Variants in KITLG observed in about 807,000 individuals in gnomAD.
The protein encoded by KITLG is KIT ligand.
A neutral mutation model predicts 34.1 loss-of-function variants in KITLG; 13 were observed. The ratio of observed to expected loss-of-function variants is 0.38; its 90% CI spans 0.25 to 0.61. The LOEUF is 0.61. Ranked by LOEUF, KITLG falls within the 20% of genes least tolerant of loss-of-function variation. The probability of loss-of-function intolerance (pLI) is 0.60; values close to 1 mark genes in which losing one functional copy is unlikely to be tolerated. For missense variants in KITLG, 292 were observed against 318.9 expected (o/e 0.92, Z 0.64); for synonymous variants, 110 against 104.0 (o/e 1.06, Z -0.35).
At chr12:88,550,309 C>A (rs1214856819) in intron 1 of KITLG, among the ~76,000 whole-genome samples, 1 of 152,108 alleles carries the variant, frequency 6.6e-6, no homozygotes, top group South Asian at 2.1e-4. Context: ...GGGAATGATC[C>A]AGTAGGAGGA....
intron 6 of KITLG, among the ~76,000 whole-genome samples, chr12:88,507,422 TG>T (rs1214879985): frequency 1.3e-5 from 2 of 152,188 alleles, no homozygotes; most frequent in Non-Finnish European, 2.9e-5. Context: ...AATATATTTC[TG>T]GGGGGAAAAT....
At chr12:88,542,016 T>C (rs1870535820) in intron 2 of KITLG, among the ~76,000 whole-genome samples, 1 of 152,214 alleles carries the variant, frequency 6.6e-6, no homozygotes, top group African/African-American at 2.4e-5. Flanking sequence ...GTCAGGCCAC[T>C]TTCTTTCCCT....
intron 1 of KITLG, among the ~76,000 whole-genome samples, chr12:88,553,126 T>C (rs944367969): frequency 6.6e-6 from 1 of 152,240 alleles, no homozygotes; most frequent in African/African-American, 2.4e-5. Context: ...CACATGAATA[T>C]TTTGACACTG....
intron 6 of KITLG, among the ~76,000 whole-genome samples, chr12:88,509,093 C>A (rs1869179478): frequency 6.6e-6 from 1 of 152,058 alleles, no homozygotes; most frequent in Admixed American, 6.6e-5. Context: ...TACTAGGTAA[C>A]CTCCTTAAGA....
chr12:88,509,715 T>A (rs1041595936), intron 6 of KITLG, among the ~76,000 whole-genome samples: 1 of 152,202 alleles, frequency 6.6e-6, no homozygotes, highest in Non-Finnish European at 1.5e-5. Flanking sequence ...TCACTTTTTT[T>A]ATTTCACTTG....
At chr12:88,545,969 A>C in intron 1 of KITLG, 104 bp from the exon 2 acceptor site, 1 of 766,142 alleles carries the variant, frequency 1.3e-6, no homozygotes, top group Non-Finnish European at 2.4e-6. Context: ...CCAGTCTAAT[A>C]TATGTTATTG....
At chr12:88,506,441 T>C in intron 7 of KITLG, 63 bp from the exon 8 acceptor site, 2 of 1,149,418 alleles carry the variant, frequency 1.7e-6, no homozygotes, top group Non-Finnish European at 2.6e-6. Context: ...ATTTAAGAGG[T>C]AAGTGGACTC....
intron 1 of KITLG, among the ~76,000 whole-genome samples, chr12:88,577,419 A>G (rs1055315806): frequency 1.3e-5 from 2 of 152,196 alleles, no homozygotes; most frequent in South Asian, 4.1e-4. Context: ...TAAGCACAAC[A>G]TTGATAAATG....
At chr12:88,554,507 G>A (rs1871033015) in intron 1 of KITLG, among the ~76,000 whole-genome samples, 1 of 152,140 alleles carries the variant, frequency 6.6e-6, no homozygotes. Context: ...ACCAGCTATT[G>A]AAGCAGGCAG....
At chr12:88,550,718 A>AAC (rs1870882318) in intron 1 of KITLG, among the ~76,000 whole-genome samples, 1 of 152,156 alleles carries the variant, frequency 6.6e-6, no homozygotes, top group African/African-American at 2.4e-5. Flanking sequence ...ACTGTCCCAG[A>AAC]ACTCCTGCAA....
intron 3 of KITLG, among the ~76,000 whole-genome samples, chr12:88,522,928 A>C (rs746640826): frequency 1.7e-4 from 26 of 152,146 alleles, no homozygotes; most frequent in Non-Finnish European, 2.5e-4. Context: ...TTTTCACAGG[A>C]GTTGGTGAAA....
chr12:88,512,409 T>C (rs1566020109), intron 6 of KITLG, among the ~76,000 whole-genome samples: 1 of 152,014 alleles, frequency 6.6e-6, no homozygotes, highest in Non-Finnish European at 1.5e-5. Context: ...TATGACACAC[T>C]AGCAATCTGC....
chr12:88,563,028 T>C (rs1297890325), intron 1 of KITLG, among the ~76,000 whole-genome samples: 1 of 152,230 alleles, frequency 6.6e-6, no homozygotes, highest in Non-Finnish European at 1.5e-5. Context: ...ACTGGAAGTC[T>C]CTGAGAAGTC....
chr12:88,522,379 G>C (rs557130514), intron 3 of KITLG, among the ~76,000 whole-genome samples: 1 of 150,814 alleles, frequency 6.6e-6, no homozygotes, highest in African/African-American at 2.4e-5. Context: ...GGTTTATTAG[G>C]TGAAATAATT....
At chr12:88,534,656 C>A in intron 2 of KITLG, 1 of 510,856 alleles carries the variant, frequency 2.0e-6, no homozygotes, top group East Asian at 5.6e-5. Context: ...CATGAGCCAC[C>A]GTGTCCATTC....
rs146043340 is a variant in KITLG, at chr12:88,549,185, A to G, written c.16-3320T>C. On this transcript the variant is annotated intron_variant, in intron 1 of 9. Coordinates refer to ENST00000644744, the MANE Select transcript of KITLG (RefSeq NM_000899.5). ...GATGATGATGTCAGAGAGACAATGG[A>G]GAGGACAGCTCATGTAGGGCGTTGA... Among the ~76,000 whole-genome samples the G allele has an allele frequency of 7.2e-4, 109 of 152,312 alleles. 2 individuals are homozygous for G. The East Asian group carries it at 0.015, about 21-fold the overall frequency.
At chr12:88,573,235 T>C (rs758945548) in intron 1 of KITLG, among the ~76,000 whole-genome samples, 1 of 152,202 alleles carries the variant, frequency 6.6e-6, no homozygotes, top group Non-Finnish European at 1.5e-5. Flanking sequence ...TACATCGATA[T>C]GGATAACACA....
chr12:88,577,733 C>T (rs1006363613), intron 1 of KITLG, among the ~76,000 whole-genome samples: 8 of 152,016 alleles, frequency 5.3e-5, no homozygotes, highest in African/African-American at 1.9e-4. Context: ...CTGAAGTGTA[C>T]CAACATGCTA....
intron 8 of KITLG, 63 bp from the exon 9 acceptor site, chr12:88,505,298 A>G: frequency 2.3e-6 from 3 of 1,323,174 alleles, no homozygotes; most frequent in Non-Finnish European, 3.3e-6. Context: ...GTACACCATG[A>G]TCTCGGCATT....
Sources: gnomAD v4.1 joint callset for allele counts (sites outside exome capture counted in the v4.1 genomes callset) on GRCh38, gnomAD v4.1.1 for gene constraint, MANE v1.5 for transcripts, NCBI Gene and HGNC (gene_info 2026-07-23, HGNC 2026-07-21) for gene names.